FAM20A: variants seen among roughly 807,000 people sequenced by gnomAD.
The protein encoded by FAM20A is pseudokinase FAM20A.
Under a neutral mutation model 52.0 loss-of-function variants are expected in FAM20A, and 42 were observed. The observed-to-expected ratio is 0.81, with a 90% confidence interval of 0.63 to 1.04. The LOEUF (loss-of-function observed/expected upper bound fraction) is 1.04. Among genes scored for constraint, FAM20A ranks in the 50% least tolerant of loss-of-function variants. The pLI is 0.00. For missense variants in FAM20A, 742 were observed against 712.7 expected (o/e 1.04, Z -0.47); for synonymous variants, 304 against 298.9 (o/e 1.02, Z -0.18).
At chr17:68,558,894 G>T (rs1362224094) in intron 1 of FAM20A, among the ~76,000 whole-genome samples, 2 of 152,140 alleles carry the variant, frequency 1.3e-5, no homozygotes, top group African/African-American at 4.8e-5. Context: ...GAGTAGCTGG[G>T]ATTACAGGTG....
intron 9 of FAM20A, among the ~76,000 whole-genome samples, 195 bp from the exon 10 acceptor site, chr17:68,539,591 C>T (rs1253206053): frequency 2.0e-5 from 3 of 152,248 alleles, no homozygotes; most frequent in East Asian, 3.9e-4. Context: ...GCTAAGCAAT[C>T]CTTCATTCAT....
Position 68,565,383 on chromosome 17 carries a change from C to CT in FAM20A, c.405-9641dup, listed in dbSNP as rs796800181. 8.8e-3 allele frequency among the ~76,000 whole-genome samples: 918 copies of CT among 103,760 alleles called. 105 individuals carry two copies. The highest frequency in any genetic ancestry group is 0.012 in the African/African-American group (287 of 22,972). 68.1% of individuals were successfully genotyped at this position (103,760 alleles called of 152,430 possible). On this transcript the variant is annotated intron_variant, in intron 1 of 10. Coordinates refer to ENST00000592554, the MANE Select transcript of FAM20A (RefSeq NM_017565.4). ...CCTGGAGTTTAACCTCCATTACCTC[C>CT]TTTTTTTTTTTTTTTTTTTTTTTTT...
At chr17:68,541,700 T>C (rs2086303552) in intron 7 of FAM20A, 2 of 349,902 alleles carry the variant, frequency 5.7e-6, no homozygotes, top group South Asian at 4.8e-5. Flanking sequence ...ACATGTCTGT[T>C]CTCCCCACTA....
chr17:68,584,462 G>A lies in FAM20A; in HGVS notation c.404+15801C>T, dbSNP rs572005526. Among the ~76,000 whole-genome samples, 72 of 152,312 alleles carry A rather than the reference G, an allele frequency of 4.7e-4. 1 individual carries two copies. In the South Asian group the frequency reaches 0.015, roughly 32 times the overall value. On this transcript the variant is annotated intron_variant, in intron 1 of 10. Coordinates refer to ENST00000592554, the MANE Select transcript of FAM20A (RefSeq NM_017565.4). ...AGAGCCCAGCTGAAAATAAAACAGG[G>A]CTTGGTAAGGACAACATCTGGGACC...
intron 4 of FAM20A, among the ~76,000 whole-genome samples, chr17:68,548,474 G>A (rs1388683632): frequency 6.6e-6 from 1 of 151,910 alleles, no homozygotes; most frequent in Non-Finnish European, 1.5e-5. Flanking sequence ...AGGTTGCAGC[G>A]AGCTGAGATT....
At position 68,556,442 on chromosome 17, in the gene FAM20A, C is replaced by T. The variant is rs142373057; in HGVS notation, c.405-699G>A. The stretch of plus-strand genomic sequence containing the variant: ...AAAATACAAAGCTGTTATAAATCAA[C>T]TGCTAAACATGTGGCTCAGATGGAA... On this transcript the variant is annotated intron_variant, in intron 1 of 10. Transcript: ENST00000592554. Among the ~76,000 whole-genome samples, 532 of 152,250 alleles carry T rather than the reference C, an allele frequency of 3.5e-3. 2 individuals carry two copies. The highest frequency in any genetic ancestry group is 0.012 in the African/African-American group (514 of 41,534).
chr17:68,596,977 C>T (rs1444714141), intron 1 of FAM20A, among the ~76,000 whole-genome samples: 17 of 152,164 alleles, frequency 1.1e-4, no homozygotes, highest in Admixed American at 1.1e-3. Flanking sequence ...CACATCTTCC[C>T]ATTTGTAACT....
At chr17:68,567,287 G>A (rs1378778178) in intron 1 of FAM20A, among the ~76,000 whole-genome samples, 1 of 151,970 alleles carries the variant, frequency 6.6e-6, no homozygotes, top group Non-Finnish European at 1.5e-5. Context: ...TTCTAATGCT[G>A]CTTTTTTTGT....
chr17:68,562,488 G>A (rs558743845), intron 1 of FAM20A, among the ~76,000 whole-genome samples: 1 of 152,144 alleles, frequency 6.6e-6, no homozygotes, highest in Non-Finnish European at 1.5e-5. Context: ...GTATGCATGA[G>A]TAGCTTCATT....
intron 1 of FAM20A, among the ~76,000 whole-genome samples, chr17:68,571,259 T>G (rs1294710056): frequency 6.6e-6 from 1 of 152,212 alleles, no homozygotes; most frequent in Non-Finnish European, 1.5e-5. Flanking sequence ...CTAAGTTTCC[T>G]GAGGGCAAGG....
chr17:68,537,680 C>T lies in FAM20A; in HGVS notation c.1423G>A (p.Asp475Asn), dbSNP rs1318457147. 15 of 1,613,582 alleles carry T rather than the reference C, an allele frequency of 9.3e-6. No homozygotes were observed. Among genetic ancestry groups the T allele is most frequent in the East Asian group, 8.9e-5 (4 of 44,866 alleles). ...LLAQADYRLS[D>N]VMRESLLEDQ... ...TCCAGCAGTGATTCTCGCATCACAT[C>T]GCTGAGTCTGTAGTCAGCTTGGGCC... The change falls in exon 11 of 11, where the codon GAT (aspartate) becomes AAT (asparagine). Residue 475 changes from aspartate (D) to asparagine (N), a missense_variant. Coordinates refer to ENST00000592554, the MANE Select transcript of FAM20A (RefSeq NM_017565.4). This position sits in a 1 kb window ranked among gnomAD's most constrained non-coding sequence, Gnocchi z 4.2.
chr17:68,581,386 C>T (rs1057367634), intron 1 of FAM20A, among the ~76,000 whole-genome samples: 1 of 144,282 alleles, frequency 6.9e-6, no homozygotes, highest in Non-Finnish European at 1.5e-5. Flanking sequence ...TTCTTTCTTT[C>T]TTTCTTTCTT....
chr17:68,579,351 T>C (rs1435634615), intron 1 of FAM20A, among the ~76,000 whole-genome samples: 1 of 152,064 alleles, frequency 6.6e-6, no homozygotes, highest in Non-Finnish European at 1.5e-5. Context: ...CTATGGGTCC[T>C]CCTCAAATGT....
At chr17:68,586,977 G>A (rs1268893295) in intron 1 of FAM20A, among the ~76,000 whole-genome samples, 1 of 151,810 alleles carries the variant, frequency 6.6e-6, no homozygotes, top group South Asian at 2.1e-4. Context: ...TGCAACCTCC[G>A]CCTCTCAGAT....
intron 1 of FAM20A, among the ~76,000 whole-genome samples, chr17:68,581,992 G>A (rs1365992506): frequency 6.6e-6 from 1 of 152,180 alleles, no homozygotes; most frequent in African/African-American, 2.4e-5. Context: ...GGTGGGTGAA[G>A]TGGTCAGCAC....
chr17:68,542,569 CATA>C, intron 6 of FAM20A, 122 bp downstream of exon 6: 1 of 778,046 alleles, frequency 1.3e-6, no homozygotes, highest in Non-Finnish European at 2.3e-6. Flanking sequence ...CTTACAACTT[CATA>C]CGCCCATCCC....
intron 4 of FAM20A, among the ~76,000 whole-genome samples, chr17:68,547,397 A>G (rs1470173817): frequency 6.6e-6 from 1 of 152,158 alleles, no homozygotes; most frequent in Non-Finnish European, 1.5e-5. Flanking sequence ...TTCTCTAGCT[A>G]TGGGGAAAGT....
intron 1 of FAM20A, among the ~76,000 whole-genome samples, chr17:68,570,579 A>G (rs192619781): frequency 2.6e-5 from 4 of 152,340 alleles, no homozygotes; most frequent in Middle Eastern, 3.4e-3. Context: ...TAAAATTTCC[A>G]GAAATCCTGC....
intron 1 of FAM20A, among the ~76,000 whole-genome samples, chr17:68,564,050 CTG>C (rs1397113153): frequency 1.3e-5 from 2 of 152,166 alleles, no homozygotes; most frequent in African/African-American, 2.4e-5. Flanking sequence ...GATGCAGAGT[CTG>C]TGTCACAAGG....
Sources: gnomAD v4.1 joint callset for allele counts (sites outside exome capture counted in the v4.1 genomes callset) on GRCh38, gnomAD v4.1.1 for gene constraint, Gnocchi (gnomAD v3.1) non-coding constraint, MANE v1.5 for transcripts, NCBI Gene and HGNC (gene_info 2026-07-23, HGNC 2026-07-21) for gene names.